The following OR8B2 variants were observed in gnomAD, a reference collection of about 807,000 sequenced individuals.
OR8B2 encodes olfactory receptor family 8 subfamily B member 2, also known as olfactory receptor 8B2.
For synonymous variants in OR8B2, 98 were observed against 138.2 expected, an observed-to-expected ratio of 0.71 and a Z score of 2.04; for missense variants, 304 against 379.6, an observed-to-expected ratio of 0.80 and a Z score of 1.65.
chr11:124,387,100 G>A (rs1424143398), upstream of OR8B2, among the ~76,000 whole-genome samples: 4 of 152,096 alleles, frequency 2.6e-5, no homozygotes, highest in African/African-American at 7.2e-5. Flanking sequence ...CTTTTTGATG[G>A]GGTTGTTTGT....
rs773730354 is a variant in OR8B2 at position 124,382,971 on chromosome 11, C to A, written c.373G>T (p.Ala125Ser). Residue 125 changes from alanine to serine, a missense_variant, in exon 2 of 2, where the codon GCC becomes TCC. Physicochemically the swap from Ala to Ser is moderately conservative, Grantham distance 99 (BLOSUM62 1). Coordinates refer to ENST00000641451, the MANE Select transcript of OR8B2 (RefSeq NM_001005468.2). Reference sequence around the variant, plus strand: ...TTATACAGCAATGGATTACAGATGGCCACATAGCGATCATATGCCATTGAA... The same window carrying A: ...TTATACAGCAATGGATTACAGATGGACACATAGCGATCATATGCCATTGAA... ...LTSMAYDRYV[A>S]ICNPLLYKVT... 23 of 1,611,276 alleles carry A rather than the reference C, an allele frequency of 1.4e-5. No homozygotes were observed.
upstream of OR8B2, among the ~76,000 whole-genome samples, chr11:124,385,510 GTGTGT>G (rs1860684069): frequency 6.6e-6 from 1 of 151,774 alleles, no homozygotes; most frequent in East Asian, 1.9e-4. Flanking sequence ...GTGTGTGTGT[GTGTGT>G]GTGTGTGTCT....
rs1860617103 is a variant in OR8B2 at position 124,382,773 on chromosome 11, T to C, written c.571A>G (p.Ser191Gly). The C allele has an allele frequency of 1.2e-6, 2 of 1,613,438 alleles. No individual in the cohort carries two copies. Among genetic ancestry groups the C allele is most frequent in the Non-Finnish European group, 1.7e-6 (2 of 1,179,540 alleles). The part of the protein sequence containing the change: ...ILPLLQLSCT[S>G]TYVNEVVVLI... ...ACAACCACCTCGTTGACATAGGTGC[T>C]GGTGCAGGAAAGCTGGAGGAGGGGG... Residue 191 changes from serine to glycine, a missense_variant, in exon 2 of 2, where the codon AGC becomes GGC. By Grantham distance (56) the Ser-to-Gly change is moderately conservative. Transcript: ENST00000641451.
chr11:124,385,534 G>T (rs1860685420), upstream of OR8B2, among the ~76,000 whole-genome samples: 2 of 151,170 alleles, frequency 1.3e-5, no homozygotes, highest in Non-Finnish European at 2.9e-5. Context: ...CTGTGTGTGT[G>T]TGTAGATCTA....
At chr11:124,387,969 C>T (rs1860727875), upstream of OR8B2, among the ~76,000 whole-genome samples, 2 of 151,468 alleles carry the variant, frequency 1.3e-5, no homozygotes, top group African/African-American at 2.4e-5. Flanking sequence ...TGAAGAGGTC[C>T]TTCACATCCC....
At chr11:124,396,659 A>C in the OR8B2 span, 1 of 1,611,968 alleles carries the variant, frequency 6.2e-7, no homozygotes, top group African/African-American at 1.3e-5. Context: ...ATCTTCCTTG[A>C]GTGGATTTGA....
At chr11:124,397,041 A>G in the OR8B2 span, 2 of 1,613,942 alleles carry the variant, frequency 1.2e-6, no homozygotes, top group Non-Finnish European at 1.7e-6. Context: ...AAAAAAGAGA[A>G]AGAAAAACAG....
chr11:124,394,313 T>A, the OR8B2 span, among the ~76,000 whole-genome samples: 1 of 151,728 alleles, frequency 6.6e-6, no homozygotes, highest in Admixed American at 6.6e-5. Flanking sequence ...AATATAAGTC[T>A]GCTTTGTCAT....
At chr11:124,385,370 T>C (rs1860681137), upstream of OR8B2, among the ~76,000 whole-genome samples, 1 of 152,118 alleles carries the variant, frequency 6.6e-6, no homozygotes, top group Admixed American at 6.6e-5. Flanking sequence ...CTTGGACACT[T>C]CACCCAGCTT....
At chr11:124,391,059 T>C in the OR8B2 span, among the ~76,000 whole-genome samples, 5 of 152,252 alleles carry the variant, frequency 3.3e-5, no homozygotes, top group Non-Finnish European at 5.9e-5. Context: ...AGTGAGGCTC[T>C]GTTTCTGAAT....
At position 124,382,727 on chromosome 11, in the gene OR8B2, T is replaced by C. The variant is rs377745535; in HGVS notation, c.617A>G (p.Asn206Ser). The C allele has an allele frequency of 6.2e-6, 10 of 1,613,756 alleles. No individual in the cohort carries two copies. The East Asian group carries it at 6.7e-5, about 11-fold the overall frequency. ...GATGGTACAACTGGGTACCGTGATATTAGTACCCACAACAATGAGAACAAC... is the reference window on the plus strand; with the variant it reads ...GATGGTACAACTGGGTACCGTGATACTAGTACCCACAACAATGAGAACAAC... ...EVVVLIVVGT[N>S]ITVPSCTILI... is the part of the protein sequence containing the mutation. Residue 206 changes from asparagine (N) to serine (S), a missense_variant, in exon 2 of 2, where the codon AAT (asparagine) becomes AGT (serine). Transcript: ENST00000641451.
the OR8B2 span, chr11:124,396,452 C>G: frequency 1.2e-6 from 2 of 1,612,532 alleles, no homozygotes; most frequent in Non-Finnish European, 1.7e-6. Context: ...GAGCTTTCCT[C>G]AGTGCAACTT....
the OR8B2 span, among the ~76,000 whole-genome samples, chr11:124,391,431 A>T: frequency 6.6e-6 from 1 of 152,118 alleles, no homozygotes; most frequent in African/African-American, 2.4e-5. Context: ...GATAAAGGGG[A>T]TATCACCACC....
chr11:124,396,604 G>C, the OR8B2 span: 4 of 1,612,718 alleles, frequency 2.5e-6, no homozygotes, highest in Non-Finnish European at 3.4e-6. Flanking sequence ...CCAAAAAACA[G>C]AGACAGAGCA....
the OR8B2 span, chr11:124,396,787 A>G: frequency 6.2e-7 from 1 of 1,613,076 alleles, no homozygotes; most frequent in Non-Finnish European, 8.5e-7. Context: ...GTGCTGGTGC[A>G]GGAAAGCTGG....
rs1156389511 is a variant in OR8B2 at position 124,383,085 on chromosome 11, A to G, written c.259T>C (p.Ser87Pro). Residue 87 changes from serine to proline, a missense_variant, in exon 2 of 2, where the codon TCA (serine) becomes CCA (proline). By Grantham distance (74) the Ser-to-Pro change is moderately conservative (BLOSUM62 -1). Coordinates refer to ENST00000641451, the MANE Select transcript of OR8B2 (RefSeq NM_001005468.2). ...ACATTGGAGATAATATTCTTTTTTG[A>G]CACAAAGTTCATTAGCATTTTGGGA... Reference protein sequence around the residue: ...FTPKMLMNFVSKKNIISNVGC... With the variant: ...FTPKMLMNFVPKKNIISNVGC... 2 of 1,613,894 alleles carry G rather than the reference A, an allele frequency of 1.2e-6. No homozygotes were observed. The highest frequency in any genetic ancestry group is 1.7e-6 in the Non-Finnish European group (2 of 1,179,842).
chr11:124,394,341 G>A, the OR8B2 span, among the ~76,000 whole-genome samples: 3 of 152,002 alleles, frequency 2.0e-5, no homozygotes. Context: ...CCCCTTAGAA[G>A]GAGATGTCAA....
upstream of OR8B2, among the ~76,000 whole-genome samples, chr11:124,386,945 C>T (rs569240682): frequency 4.6e-5 from 7 of 152,322 alleles, no homozygotes; most frequent in South Asian, 8.3e-4. Context: ...TTAATGATTG[C>T]CGTTTTAACT....
the OR8B2 span, among the ~76,000 whole-genome samples, chr11:124,390,950 C>T: frequency 6.6e-6 from 1 of 152,004 alleles, no homozygotes; most frequent in Non-Finnish European, 1.5e-5. Context: ...TGGTGTTTTC[C>T]TTATGGATAG....
Sources: allele counts gnomAD v4.1 joint callset (sites outside exome capture counted in the v4.1 genomes callset), GRCh38; gene constraint gnomAD v4.1.1; transcripts MANE v1.5; gene names NCBI Gene and HGNC (gene_info 2026-07-23, HGNC 2026-07-21).